Variants in SOX5 observed in about 807,000 individuals in gnomAD.
SOX5 encodes the protein SRY-box transcription factor 5.
SOX5 carries 9 observed loss-of-function variants against 92.0 expected under a neutral mutation model. The ratio of observed to expected loss-of-function variants is 0.10; its 90% confidence interval spans 0.06 to 0.17. The LOEUF is 0.17. Among genes scored for constraint, SOX5 ranks in the 10% least tolerant of loss-of-function variants. The pLI, the probability that SOX5 is intolerant of heterozygous loss-of-function variation, is 1.00. For missense variants in SOX5, 642 were observed against 944.5 expected, an observed-to-expected ratio of 0.68 and a Z score of 4.20; for synonymous variants, 344 against 336.3, an observed-to-expected ratio of 1.02 and a Z score of -0.25.
chr12:23,889,857 T>A (rs1457805508), intron 2 of SOX5, among the ~76,000 whole-genome samples: 2 of 152,170 alleles, frequency 1.3e-5, no homozygotes, highest in Non-Finnish European at 2.9e-5. Context: ...TATTCAGATT[T>A]CTTTAACAAT....
At chr12:24,067,767 G>A (rs1308869512) in intron 4 of SOX5, among the ~76,000 whole-genome samples, 2 of 152,168 alleles carry the variant, frequency 1.3e-5, no homozygotes, top group Non-Finnish European at 2.9e-5. Flanking sequence ...GGAAGAGAGC[G>A]AGAAAGGGGA....
chr12:24,356,444 CCTCT>C (rs1003629911), intron 2 of SOX5, among the ~76,000 whole-genome samples: 3 of 151,864 alleles, frequency 2.0e-5, no homozygotes, highest in African/African-American at 7.3e-5. Flanking sequence ...CCTCCTCCTT[CCTCT>C]CTCTCTCTTT....
chr12:23,688,023 C>A (rs2087953592), intron 6 of SOX5, among the ~76,000 whole-genome samples: 2 of 152,010 alleles, frequency 1.3e-5, no homozygotes, highest in Non-Finnish European at 2.9e-5. Flanking sequence ...TCCTGATAAT[C>A]CTTTAAGAAA....
intron 1 of SOX5, among the ~76,000 whole-genome samples, chr12:24,396,472 C>T (rs1959997024): frequency 6.6e-6 from 1 of 152,208 alleles, no homozygotes; most frequent in Non-Finnish European, 1.5e-5. Context: ...AAATATTCAG[C>T]TCATTTCATT....
chr12:23,622,211 C>G (rs1466065139), intron 8 of SOX5, among the ~76,000 whole-genome samples: 1 of 151,868 alleles, frequency 6.6e-6, no homozygotes, highest in Non-Finnish European at 1.5e-5. Context: ...TTACAGCTGC[C>G]CAAATATAAT....
At chr12:23,880,358 T>A (rs1000772114) in intron 2 of SOX5, among the ~76,000 whole-genome samples, 3 of 152,202 alleles carry the variant, frequency 2.0e-5, no homozygotes, top group African/African-American at 7.2e-5. Context: ...GAAGCTTTAA[T>A]TCACCCCTTC....
intron 1 of SOX5, among the ~76,000 whole-genome samples, chr12:24,428,882 C>G (rs751380314): frequency 6.6e-6 from 1 of 151,880 alleles, no homozygotes; most frequent in African/African-American, 2.4e-5. Flanking sequence ...TGGGTGGAGC[C>G]TGACTGAGTT....
chr12:24,192,510 A>T (rs1956625724), intron 4 of SOX5, among the ~76,000 whole-genome samples: 1 of 152,210 alleles, frequency 6.6e-6, no homozygotes, highest in Non-Finnish European at 1.5e-5. Context: ...TTGGTTTTAT[A>T]CAATTTTATC....
intron 6 of SOX5, among the ~76,000 whole-genome samples, chr12:23,669,542 A>T (rs535673459): frequency 6.6e-6 from 1 of 152,152 alleles, no homozygotes; most frequent in South Asian, 2.1e-4. Context: ...ACTCTGGTGG[A>T]TATGGAAAAA....
At chr12:23,556,182 CAAAAG>C (rs1347199375) in intron 11 of SOX5, among the ~76,000 whole-genome samples, 4 of 152,162 alleles carry the variant, frequency 2.6e-5, no homozygotes, top group South Asian at 2.1e-4. Context: ...AATGAAAAAA[CAAAAG>C]AAAAGAAAAC....
intron 7 of SOX5, among the ~76,000 whole-genome samples, chr12:23,645,610 T>A (rs1444394571): frequency 1.3e-5 from 2 of 152,188 alleles, no homozygotes; most frequent in Non-Finnish European, 2.9e-5. Context: ...ATTACTTGCA[T>A]CTAATTATTA....
At chr12:23,605,856 A>G (rs975861852) in intron 8 of SOX5, among the ~76,000 whole-genome samples, 6 of 152,204 alleles carry the variant, frequency 3.9e-5, no homozygotes, top group Admixed American at 2.0e-4. Flanking sequence ...ATTTTATGCA[A>G]ATTAATGTAA....
intron 6 of SOX5, among the ~76,000 whole-genome samples, chr12:23,731,375 T>C (rs1479454): frequency 0.066 from 9,972 of 152,240 alleles, 475 homozygotes; most frequent in Non-Finnish European, 0.1. Flanking sequence ...TATACCTACA[T>C]CTATATTTAT....
At chr12:23,554,591 A>T (rs1944787477) in intron 11 of SOX5, among the ~76,000 whole-genome samples, 1 of 152,180 alleles carries the variant, frequency 6.6e-6, no homozygotes, top group South Asian at 2.1e-4. Context: ...TTCTATTTAC[A>T]TTACAGAGTG....
chr12:23,779,790 T>TAA (rs1186159759), intron 3 of SOX5, among the ~76,000 whole-genome samples: 2 of 73,932 alleles, frequency 2.7e-5, no homozygotes, highest in South Asian at 5.1e-4. Context: ...CAGATTAAAA[T>TAA]ATATATATAT....
At chr12:24,486,660 A>C (rs1438485414) in intron 1 of SOX5, among the ~76,000 whole-genome samples, 1 of 152,118 alleles carries the variant, frequency 6.6e-6, no homozygotes. Flanking sequence ...AATAAGACTC[A>C]TAGAATGTAA....
At chr12:23,853,734 C>T (rs11047130) in intron 2 of SOX5, among the ~76,000 whole-genome samples, 33,204 of 151,786 alleles carry the variant, frequency 0.22, 3,725 homozygotes, top group East Asian at 0.3. Flanking sequence ...TAATAGAACC[C>T]GTAAAAACAA....
rs148397575 is a variant in SOX5 at position 23,583,005 on chromosome 12, G to T, written c.1165-7167C>A. ...GACTTTGTTGAATTAATGCCTCGATGCTGTAAATTATACACGCAAGCACAC... is the reference window on the plus strand; with the variant it reads ...GACTTTGTTGAATTAATGCCTCGATTCTGTAAATTATACACGCAAGCACAC... On this transcript the variant is annotated intron_variant, in intron 9 of 14. Coordinates refer to ENST00000451604, the MANE Select transcript of SOX5 (RefSeq NM_006940.6). 2.6e-5 allele frequency among the ~76,000 whole-genome samples: 4 copies of T among 152,098 alleles called. No individual in the cohort carries two copies. In the East Asian group the frequency reaches 7.7e-4, roughly 29 times the overall value.
chr12:24,393,072 T>C lies in SOX5; in HGVS notation c.-250-24433A>G, dbSNP rs886260709. Among the ~76,000 whole-genome samples, 4 of 152,184 alleles carry C rather than the reference T, an allele frequency of 2.6e-5. No homozygotes were observed. Among genetic ancestry groups the C allele is most frequent in the African/African-American group, 9.6e-5 (4 of 41,454 alleles). On this transcript the variant is annotated intron_variant, in intron 1 of 4. Coordinates refer to the SOX5 transcript ENST00000446891. The surrounding 1 kb of genome is among the most constrained non-coding windows in gnomAD (Gnocchi z 5.0). ...TGAGTGTGTGGGGGCATAAGTATTT[T>C]TTTCTTTTCTATCTCAACCACCACT...
Sources: allele counts gnomAD v4.1 joint callset (sites outside exome capture counted in the v4.1 genomes callset), GRCh38; gene constraint gnomAD v4.1.1; non-coding constraint Gnocchi (gnomAD v3.1); transcripts MANE v1.5; gene names NCBI Gene and HGNC (gene_info 2026-07-23, HGNC 2026-07-21).